TMEM65: variants seen among roughly 807,000 people sequenced by gnomAD.
The protein encoded by TMEM65 is transmembrane protein 65.
In TMEM65, 22 loss-of-function variants were observed where a neutral mutation model predicts 25.4. The observed-to-expected ratio is 0.86, with a 90% confidence interval of 0.62 to 1.23. The LOEUF (loss-of-function observed/expected upper bound fraction) is 1.23. TMEM65 is among the 50% of genes most tolerant of loss of function. TMEM65 has a pLI of 0.00. For missense variants in TMEM65, 262 were observed against 308.2 expected (o/e 0.85, Z 1.12); for synonymous variants, 132 against 126.2 (o/e 1.05, Z -0.31).
At position 124,314,030 on chromosome 8, in the gene TMEM65, A is replaced by G; in HGVS notation, c.653T>C (p.Ile218Thr). 6.2e-7 allele frequency: 1 copy of G among 1,613,668 alleles called. No individual in the cohort carries two copies. The highest frequency in any genetic ancestry group is 8.5e-7 in the Non-Finnish European group (1 of 1,179,772). Residue 218 changes from isoleucine to threonine, a missense_variant, in exon 7 of 7, where the codon ATT (isoleucine) becomes ACT (threonine). Transcript: ENST00000297632. Reference sequence around the variant, plus strand: ...GAAAATTAAAGGAAACATTCCTAGAATGCAGCCAATAGTCACCCCAACAGC... The same window carrying G: ...GAAAATTAAAGGAAACATTCCTAGAGTGCAGCCAATAGTCACCCCAACAGC... ...GKAVGVTIGC[I>T]LGMFPLIFFG...
intron 3 of TMEM65, among the ~76,000 whole-genome samples, chr8:124,324,735 C>G (rs1814346793): frequency 1.3e-5 from 2 of 152,020 alleles, no homozygotes; most frequent in Non-Finnish European, 2.9e-5. Flanking sequence ...GTCCTTCTAA[C>G]AGCAGGAAAA....
chr8:124,359,618 T>C (rs934063905), intron 1 of TMEM65, among the ~76,000 whole-genome samples: 2 of 152,048 alleles, frequency 1.3e-5, no homozygotes, highest in Non-Finnish European at 2.9e-5. Flanking sequence ...AGTACACGCC[T>C]GTGATCCCAG....
chr8:124,341,232 G>T (rs117311693), intron 1 of TMEM65, among the ~76,000 whole-genome samples: 1 of 152,052 alleles, frequency 6.6e-6, no homozygotes, highest in Non-Finnish European at 1.5e-5. Context: ...TTTGAAAGTA[G>T]AATGACTGGT....
chr8:124,332,660 A>G (rs1814446380), intron 1 of TMEM65, among the ~76,000 whole-genome samples: 1 of 152,172 alleles, frequency 6.6e-6, no homozygotes, highest in Admixed American at 6.5e-5. Flanking sequence ...GAGGAAAACT[A>G]CTGGCACAGA....
chr8:124,356,267 T>C (rs1814779038), intron 1 of TMEM65, among the ~76,000 whole-genome samples: 1 of 152,150 alleles, frequency 6.6e-6, no homozygotes, highest in African/African-American at 2.4e-5. Flanking sequence ...TGGGCCCCAT[T>C]AGGATAGCGG....
At position 124,322,167 on chromosome 8, in the gene TMEM65, A is replaced by G. The variant is rs1814310547; in HGVS notation, c.473-20T>C. The G allele has an allele frequency of 4.4e-6, 7 of 1,584,952 alleles. No individual in the cohort carries two copies. The highest frequency in any genetic ancestry group is 5.2e-6 in the Non-Finnish European group (6 of 1,156,514). On this transcript the variant is annotated intron_variant, in intron 4 of 6. Coordinates refer to ENST00000297632, the MANE Select transcript of TMEM65 (RefSeq NM_194291.3). ...CAGCAGCTAAAAATTTGAAAAATAAATAATTGTTACATAAAAGAATAATAA... is the reference window on the plus strand; with the variant it reads ...CAGCAGCTAAAAATTTGAAAAATAAGTAATTGTTACATAAAAGAATAATAA...
chr8:124,321,450 C>T (rs1814302242), intron 5 of TMEM65, among the ~76,000 whole-genome samples: 1 of 152,038 alleles, frequency 6.6e-6, no homozygotes, highest in Admixed American at 6.6e-5. Context: ...CAACTCAGGC[C>T]ATCTGCTACT....
intron 1 of TMEM65, among the ~76,000 whole-genome samples, chr8:124,344,391 T>A (rs866391749): frequency 6.6e-6 from 1 of 152,196 alleles, no homozygotes; most frequent in Non-Finnish European, 1.5e-5. Flanking sequence ...TAAATGTAAA[T>A]GAGGTTATGA....
intron 1 of TMEM65, among the ~76,000 whole-genome samples, chr8:124,368,903 T>C (rs1040187139): frequency 6.6e-6 from 1 of 152,254 alleles, no homozygotes; most frequent in African/African-American, 2.4e-5. Context: ...TAATTTGTTA[T>C]ACCGCAATGG....
At chr8:124,369,531 A>T (rs547373894) in intron 1 of TMEM65, among the ~76,000 whole-genome samples, 11 of 152,336 alleles carry the variant, frequency 7.2e-5, no homozygotes, top group African/African-American at 2.6e-4. Flanking sequence ...CTTTAAATAG[A>T]ATTAATTTTG....
chr8:124,349,160 T>C (rs1814675741), intron 1 of TMEM65, among the ~76,000 whole-genome samples: 1 of 152,124 alleles, frequency 6.6e-6, no homozygotes, highest in Non-Finnish European at 1.5e-5. Flanking sequence ...AAATTCTCAA[T>C]AGAAAAATAT....
At chr8:124,330,855 C>T (rs1814423617) in intron 1 of TMEM65, 63 bp from the exon 2 acceptor site, 2 of 1,416,380 alleles carry the variant, frequency 1.4e-6, no homozygotes, top group Non-Finnish European at 1.9e-6. Context: ...TTTTTTATTA[C>T]AATGAAGAAA....
intron 2 of TMEM65, among the ~76,000 whole-genome samples, chr8:124,327,671 AACACACACAC>A (rs71289656): frequency 4.7e-4 from 70 of 148,700 alleles, no homozygotes; most frequent in African/African-American, 8.6e-4. Flanking sequence ...TCTTACTGGT[AACACACACAC>A]ACACACACAC....
rs780752019 is a variant in TMEM65 at position 124,320,073 on chromosome 8, G to A, written c.621+13C>T. On this transcript the variant is annotated intron_variant, in intron 6 of 6. Coordinates refer to ENST00000297632, the MANE Select transcript of TMEM65 (RefSeq NM_194291.3). ...TACCCAACTCATTATCATAAACCAT[G>A]TAAATTACTTACCAAATGTGTACTA... 6.2e-6 allele frequency: 10 copies of A among 1,601,146 alleles called. No individual in the cohort carries two copies. Among genetic ancestry groups the A allele is most frequent in the Non-Finnish European group, 8.6e-6 (10 of 1,169,112 alleles).
intron 3 of TMEM65, among the ~76,000 whole-genome samples, chr8:124,325,389 CTA>C (rs769136698): frequency 1.3e-4 from 19 of 151,862 alleles, no homozygotes; most frequent in Non-Finnish European, 2.4e-4. Flanking sequence ...TCTCAGCATT[CTA>C]TATAACGAAG....
intron 1 of TMEM65, among the ~76,000 whole-genome samples, chr8:124,343,595 C>G (rs1023675812): frequency 3.3e-5 from 5 of 152,086 alleles, no homozygotes; most frequent in Non-Finnish European, 7.4e-5. Flanking sequence ...AAGAGGGCCT[C>G]TCTAGACTCT....
chr8:124,323,264 TA>T lies in TMEM65; in HGVS notation c.472+56del. The T allele has an allele frequency of 4.2e-6, 4 of 956,224 alleles. No individual in the cohort carries two copies. The South Asian group carries it at 6.6e-5, about 16-fold the overall frequency. 59.2% of individuals were successfully genotyped at this position (956,224 alleles called of 1,614,324 possible). A position where few individuals can be genotyped will look rare whatever the true frequency, so the allele number is the denominator to read the frequency against. ...AAATTACCCTCCTCTAAACTTAATC[TA>T]CTGAAATGTTTTATAAGTGTACAAT... On this transcript the variant is annotated intron_variant, in intron 4 of 6. Coordinates refer to ENST00000297632, the MANE Select transcript of TMEM65 (RefSeq NM_194291.3).
intron 1 of TMEM65, among the ~76,000 whole-genome samples, chr8:124,355,269 T>G (rs1446172960): frequency 2.0e-5 from 3 of 152,158 alleles, no homozygotes; most frequent in South Asian, 4.2e-4. Flanking sequence ...TTCTAGGACG[T>G]TTTTTAAACC....
chr8:124,364,193 G>A (rs1024970218), intron 1 of TMEM65, among the ~76,000 whole-genome samples: 1 of 152,108 alleles, frequency 6.6e-6, no homozygotes, highest in Non-Finnish European at 1.5e-5. Context: ...AAAAAGACAG[G>A]AAAAAGAAGA....
Sources: allele counts gnomAD v4.1 joint callset (sites outside exome capture counted in the v4.1 genomes callset), GRCh38; gene constraint gnomAD v4.1.1; transcripts MANE v1.5; gene names NCBI Gene and HGNC (gene_info 2026-07-23, HGNC 2026-07-21).